DCDC2C: variants seen among roughly 807,000 people sequenced by gnomAD.
DCDC2C encodes doublecortin domain-containing protein 2C.
In DCDC2C, 44 loss-of-function variants were observed where a neutral mutation model predicts 45.0. That is an observed-to-expected ratio of 0.98 (90% CI 0.77 to 1.26). The LOEUF (loss-of-function observed/expected upper bound fraction) is 1.26, where lower values mean the gene tolerates loss of function less well. Ranked by LOEUF, DCDC2C falls within the 50% of genes most tolerant of loss-of-function variation. The probability of loss-of-function intolerance (pLI) is 0.00; values close to 1 mark genes in which losing one functional copy is unlikely to be tolerated. For missense variants in DCDC2C, 447 were observed against 468.9 expected, an observed-to-expected ratio of 0.95 and a Z score of 0.43; for synonymous variants, 187 against 178.8, an observed-to-expected ratio of 1.05 and a Z score of -0.37.
chr2:3,793,223 T>G (rs144528131), intron 10 of DCDC2C, among the ~76,000 whole-genome samples: 2 of 152,170 alleles, frequency 1.3e-5, no homozygotes, highest in Admixed American at 1.3e-4. Context: ...AAACGCAAAT[T>G]TACACCTTGA....
chr2:3,768,267 A>G (rs1167711367), intron 7 of DCDC2C, among the ~76,000 whole-genome samples: 1 of 152,172 alleles, frequency 6.6e-6, no homozygotes, highest in Non-Finnish European at 1.5e-5. Context: ...AGTATAAGAA[A>G]CATTTAAAAG....
chr2:3,831,033 G>A (rs997594383), intron 10 of DCDC2C, among the ~76,000 whole-genome samples: 8 of 152,012 alleles, frequency 5.3e-5, no homozygotes, highest in South Asian at 2.1e-4. Flanking sequence ...GAGCAATTCC[G>A]AGTAGGATTT....
intron 10 of DCDC2C, among the ~76,000 whole-genome samples, chr2:3,803,796 C>T (rs930899244): frequency 2.6e-5 from 4 of 152,206 alleles, no homozygotes; most frequent in Admixed American, 6.5e-5. Flanking sequence ...CCTTCAAGTG[C>T]ACCACGTCCT....
Position 3,785,355 on chromosome 2 carries a change from T to A in DCDC2C, c.1065+255T>A, listed in dbSNP as rs1002380371. 2.4e-4 allele frequency among the ~76,000 whole-genome samples: 36 copies of A among 152,158 alleles called. 1 individual carries two copies. The highest frequency in any genetic ancestry group is 8.2e-4 in the African/African-American group (34 of 41,472). ...TAAGAACCAGGAGTAAAAAGCGCCC[T>A]AGGGCAGCGTGTGGCTGGCATCTGA... On this transcript the variant is annotated intron_variant, in intron 10 of 10. Coordinates refer to ENST00000399143, the MANE Select transcript of DCDC2C (RefSeq NM_001287444.2).
Position 3,752,770 on chromosome 2 carries a change from A to C in DCDC2C, c.553A>C (p.Thr185Pro). 1 of 1,550,462 alleles carries C rather than the reference A, an allele frequency of 6.4e-7. No individual in the cohort carries two copies. Among genetic ancestry groups the C allele is most frequent in the Non-Finnish European group, 8.7e-7 (1 of 1,146,894 alleles). The change falls in exon 5 of 11, where the codon ACA becomes CCA. Residue 185 changes from threonine (T) to proline (P), a missense_variant. Coordinates refer to ENST00000399143, the MANE Select transcript of DCDC2C (RefSeq NM_001287444.2). ...FPLGGVRKLF[T>P]MNGHLLGDSK... ...TTCTTTCTGTTTTTACAGATTATTT[A>C]CAATGAATGGGCATCTTTTGGGCGA...
At chr2:3,791,254 A>G (rs980642954) in intron 10 of DCDC2C, among the ~76,000 whole-genome samples, 4 of 152,262 alleles carry the variant, frequency 2.6e-5, no homozygotes, top group Admixed American at 1.3e-4. Flanking sequence ...CATGAATAAA[A>G]CACAAGGTAT....
In DCDC2C at chr2:3,784,252, G is replaced by A. The variant is rs73910371; in HGVS notation, c.1024-807G>A. Among the ~76,000 whole-genome samples the A allele has an allele frequency of 3.4e-3, 525 of 152,246 alleles. 9 individuals are homozygous for A. Among genetic ancestry groups the A allele is most frequent in the African/African-American group, 0.012 (503 of 41,550 alleles). ...ATGTTAATATGGATGCAGAAAAGTA[G>A]CAATACTTCTTATTAGGGTCATGTA... On this transcript the variant is annotated intron_variant, in intron 9 of 10. Coordinates refer to ENST00000399143, the MANE Select transcript of DCDC2C (RefSeq NM_001287444.2).
At position 3,818,901 on chromosome 2, in the gene DCDC2C, G is replaced by A. The variant is rs747475046; in HGVS notation, c.1066-28253G>A. On this transcript the variant is annotated intron_variant, in intron 10 of 10. Transcript: ENST00000399143. The surrounding 1 kb of genome is among the most constrained non-coding windows in gnomAD (Gnocchi z 4.7). ...AGTTAATAAGGGAACTGGGCAGGTG[G>A]GGATAACTAAAAAGGAGTGCATAAA... Among the ~76,000 whole-genome samples the A allele has an allele frequency of 2.9e-4, 44 of 152,142 alleles. No homozygotes were observed. The highest frequency in any genetic ancestry group is 5.1e-4 in the Non-Finnish European group (35 of 68,040).
intron 6 of DCDC2C, among the ~76,000 whole-genome samples, chr2:3,764,345 G>A (rs1669961486): frequency 6.6e-6 from 1 of 152,136 alleles, no homozygotes; most frequent in African/African-American, 2.4e-5. Flanking sequence ...CTTTCTTTTA[G>A]TCAGTTTTCC....
chr2:3,739,391 CT>C (rs34795418), intron 3 of DCDC2C, among the ~76,000 whole-genome samples: 31,704 of 152,032 alleles, frequency 0.21, 3,704 homozygotes, highest in African/African-American at 0.32. Context: ...CAAGACCACC[CT>C]TGGCCTGCCA....
intron 10 of DCDC2C, among the ~76,000 whole-genome samples, chr2:3,807,225 T>C (rs1200327968): frequency 1.3e-5 from 2 of 152,194 alleles, no homozygotes; most frequent in African/African-American, 4.8e-5. Flanking sequence ...CTTTCTGCGC[T>C]TTCTCACTTC....
At position 3,741,934 on chromosome 2, in the gene DCDC2C, G is replaced by A; in HGVS notation, c.431G>A (p.Gly144Glu). 1 of 1,547,564 alleles carries A rather than the reference G, an allele frequency of 6.5e-7. No individual in the cohort carries two copies. Among genetic ancestry groups the A allele is most frequent in the African/African-American group, 1.4e-5 (1 of 73,036 alleles). Residue 144 changes from glycine to glutamate, a missense_variant, in exon 4 of 11, where the codon GGA (glycine) becomes GAA (glutamate). Gly to Glu is a moderately conservative substitution (Grantham distance 98). Transcript: ENST00000399143. ...TATTCTTACAGTGTTTTTACAAATG[G>A]AAGATTATTTATTCCACCTGCAAAA... ...ISRHINVFTN[G>E]RLFIPPAKII...
chr2:3,703,921 C>T lies in DCDC2C; in HGVS notation c.170C>T (p.Pro57Leu), dbSNP rs749680844. The T allele has an allele frequency of 8.2e-6, 11 of 1,338,858 alleles. No homozygotes were observed. The Middle Eastern group carries it at 1.1e-3, about 129-fold the overall frequency. 82.9% of individuals were successfully genotyped at this position (1,338,858 alleles called of 1,614,324 possible). A position where few individuals can be genotyped will look rare whatever the true frequency, so the allele number is the denominator to read the frequency against. ...LEQLTEQVDV[P>L]FGVRRLFTPT... is the part of the protein sequence containing the mutation. ...CAGCTCACGGAGCAGGTGGACGTCC[C>T]GTTCGGCGTGCGCCGCCTCTTCACG... Residue 57 changes from proline (P) to leucine (L), a missense_variant, in exon 1 of 11, where the codon CCG (proline) becomes CTG (leucine). By Grantham distance (98) the Pro-to-Leu change is moderately conservative. Coordinates refer to ENST00000399143, the MANE Select transcript of DCDC2C (RefSeq NM_001287444.2). This position sits in a 1 kb window ranked among gnomAD's most constrained non-coding sequence, Gnocchi z 4.4.
chr2:3,721,883 C>T (rs1228116937), intron 2 of DCDC2C, among the ~76,000 whole-genome samples: 1 of 152,216 alleles, frequency 6.6e-6, no homozygotes, highest in Admixed American at 6.5e-5. Flanking sequence ...TTTTGCCTTC[C>T]TCCATGATTG....
Position 3,704,088 on chromosome 2 carries a change from T to C in DCDC2C, c.287+50T>C, listed in dbSNP as rs531567466. 2.2e-5 allele frequency: 27 copies of C among 1,232,322 alleles called. No individual in the cohort carries two copies. The South Asian group carries it at 9.4e-4, about 43-fold the overall frequency. 76.3% of individuals were successfully genotyped at this position (1,232,322 alleles called of 1,614,324 possible). On this transcript the variant is annotated intron_variant, in intron 1 of 10. Coordinates refer to ENST00000399143, the MANE Select transcript of DCDC2C (RefSeq NM_001287444.2). ...CGCCCTGCGCCCCTCCCCGCCCTCT[T>C]GGGTCTGAGCGTGGTCAGGGCCGTG...
chr2:3,768,604 C>G (rs1323838279), intron 7 of DCDC2C, among the ~76,000 whole-genome samples: 1 of 152,210 alleles, frequency 6.6e-6, no homozygotes, highest in Non-Finnish European at 1.5e-5. Context: ...GATGATGCCT[C>G]ACTCTGTCAC....
At chr2:3,783,010 C>T (rs549397841) in intron 9 of DCDC2C, among the ~76,000 whole-genome samples, 5 of 152,320 alleles carry the variant, frequency 3.3e-5, no homozygotes, top group Admixed American at 2.0e-4. Context: ...CACGAGCTTC[C>T]TATCCTTGGA....
chr2:3,827,110 C>T (rs1205169299), intron 10 of DCDC2C, among the ~76,000 whole-genome samples: 1 of 152,162 alleles, frequency 6.6e-6, no homozygotes, highest in Non-Finnish European at 1.5e-5. Context: ...ACAAGCCACA[C>T]CCCAGCCCAT....
chr2:3,716,972 A>C (rs1303004067), intron 2 of DCDC2C, among the ~76,000 whole-genome samples: 1 of 152,200 alleles, frequency 6.6e-6, no homozygotes, highest in Non-Finnish European at 1.5e-5. Context: ...TGTTGGTCAT[A>C]GCCCTGCTGA....
Sources: allele counts gnomAD v4.1 joint callset (sites outside exome capture counted in the v4.1 genomes callset), GRCh38; gene constraint gnomAD v4.1.1; non-coding constraint Gnocchi (gnomAD v3.1); transcripts MANE v1.5; gene names NCBI Gene and HGNC (gene_info 2026-07-23, HGNC 2026-07-21).